C12orf43: variants seen among roughly 807,000 people sequenced by gnomAD.
C12orf43 encodes the protein protein CUSTOS.
In C12orf43, 15 loss-of-function variants were observed where a neutral mutation model predicts 20.6. The ratio of observed to expected loss-of-function variants is 0.73; its 90% CI spans 0.49 to 1.12. The LOEUF is 1.12. Ranked by LOEUF, C12orf43 falls within the 50% of genes most tolerant of loss-of-function variation. The probability of loss-of-function intolerance (pLI) is 0.00; values close to 1 mark genes in which losing one functional copy is unlikely to be tolerated. For synonymous variants in C12orf43, 144 were observed against 130.8 expected (o/e 1.10, Z -0.69); for missense variants, 334 against 344.4 (o/e 0.97, Z 0.24).
Position 121,005,514 on chromosome 12 carries a change from A to T in C12orf43, c.362-421T>A, listed in dbSNP as rs1477146260. Among the ~76,000 whole-genome samples, 1 of 152,206 alleles carries T rather than the reference A, an allele frequency of 6.6e-6. No homozygotes were observed. Among genetic ancestry groups the T allele is most frequent in the Non-Finnish European group, 1.5e-5 (1 of 68,022 alleles). On this transcript the variant is annotated intron_variant, in intron 4 of 5. Transcript: ENST00000288757. The surrounding 1 kb of genome is among the most constrained non-coding windows in gnomAD (Gnocchi z 5.6). ...ATGGAGCCAGTGGAGGGCGCGCTGG[A>T]GCAGGAGCCAGCAGCCACATCAGCT... is the stretch of plus-strand genomic sequence containing the variant.
chr12:121,012,701 A>C (rs779831758), intron 1 of C12orf43: 66 of 409,938 alleles, frequency 1.6e-4, no homozygotes, highest in Non-Finnish European at 2.3e-4. Context: ...AAAATACAAA[A>C]ATTAGCTGGG....
At position 121,001,354 on chromosome 12, in the gene C12orf43, C is replaced by A; in HGVS notation, c.*2799G>T. On this transcript the variant is annotated 3_prime_UTR_variant, in exon 6 of 6. Transcript: ENST00000288757. ...GCTCTGATGCATCAGAAAGGGAGGG[C>A]TCTGAGGCGCCCCAACCCGTGGAGG... The A allele has an allele frequency of 1.1e-6, 1 of 900,688 alleles. No individual in the cohort carries two copies. The allele number at this position is 900,688 out of a possible 1,614,324, so 55.8% of individuals were successfully genotyped here.
In C12orf43 at chr12:121,001,202, C is replaced by T. The variant is rs1328123164; in HGVS notation, c.*2951G>A. 1 of 1,613,790 alleles carries T rather than the reference C, an allele frequency of 6.2e-7. No individual in the cohort carries two copies. The highest frequency in any genetic ancestry group is 1.1e-5 in the South Asian group (1 of 91,046). On this transcript the variant is annotated 3_prime_UTR_variant, in exon 6 of 6. Transcript: ENST00000288757. ...CTCTTCCTCCCAGTAACCACGGCAC[C>T]TGGGCCCTGGGGCCTGTACTGCCTG...
chr12:121,001,137 A>T lies in C12orf43; in HGVS notation c.*3016T>A, dbSNP rs779019818. The T allele has an allele frequency of 3.1e-6, 5 of 1,614,092 alleles. No homozygotes were observed. Among genetic ancestry groups the T allele is most frequent in the Non-Finnish European group, 4.2e-6 (5 of 1,180,002 alleles). On this transcript the variant is annotated 3_prime_UTR_variant, in exon 6 of 6. Coordinates refer to ENST00000288757, the MANE Select transcript of C12orf43 (RefSeq NM_022895.3). The stretch of plus-strand genomic sequence containing the variant: ...GGCCAGAGCCACCTGCTGCCATCCA[A>T]CCACAGCGTCATCGAGACCTTCATC...
At chr12:121,015,073 T>A in intron 1 of C12orf43, among the ~76,000 whole-genome samples, 1 of 152,232 alleles carries the variant, frequency 6.6e-6, no homozygotes, top group East Asian at 1.9e-4. Context: ...CCAAGCACTG[T>A]AGATTGCATT....
intron 1 of C12orf43, among the ~76,000 whole-genome samples, chr12:121,013,146 A>G (rs1203530220): frequency 1.3e-5 from 2 of 152,186 alleles, no homozygotes; most frequent in South Asian, 4.1e-4. Context: ...ACTGTACTCC[A>G]GAGCACAACA....
chr12:121,011,086 A>G lies in C12orf43; in HGVS notation c.188+18T>C, dbSNP rs763673604. ...TATTTGTTGAATAAGTGAAACTTGA[A>G]CCCAAAGTGCATAGTACCTGAGGCT... is the stretch of plus-strand genomic sequence containing the variant. On this transcript the variant is annotated intron_variant, in intron 2 of 5. Transcript: ENST00000288757. 2 of 1,613,358 alleles carry G rather than the reference A, an allele frequency of 1.2e-6. No homozygotes were observed. Among genetic ancestry groups the G allele is most frequent in the Admixed American group, 3.3e-5 (2 of 60,000 alleles).
intron 4 of C12orf43, 120 bp downstream of exon 4, chr12:121,006,201 G>A (rs1173766221): frequency 2.3e-6 from 2 of 860,668 alleles, no homozygotes; most frequent in East Asian, 5.4e-5. Context: ...AGGTGGCAGA[G>A]AGAGTTCCTA....
chr12:121,001,006 G>A lies in C12orf43; in HGVS notation c.*3147C>T. 6.2e-7 allele frequency: 1 copy of A among 1,607,238 alleles called. No homozygotes were observed. Among genetic ancestry groups the A allele is most frequent in the Non-Finnish European group, 8.5e-7 (1 of 1,178,678 alleles). ...CCATCCTGAGTACCCCTAGGGACAG[G>A]CAGGTGGGGTGGGTGTGGGTGCCTG... On this transcript the variant is annotated 3_prime_UTR_variant, in exon 6 of 6. Transcript: ENST00000288757.
chr12:121,006,794 G>A (rs112269971), intron 3 of C12orf43: 7,240 of 169,424 alleles, frequency 0.043, 199 homozygotes, highest in South Asian at 0.1. Context: ...AAAATTAGCC[G>A]GGCATGGTGG....
intron 1 of C12orf43, among the ~76,000 whole-genome samples, chr12:121,011,354 G>A (rs941611593): frequency 6.8e-6 from 1 of 146,890 alleles, no homozygotes; most frequent in African/African-American, 2.5e-5. Context: ...AGTTATATAT[G>A]TATATAATAT....
Position 121,005,162 on chromosome 12 carries a change from A to T in C12orf43, c.362-69T>A, listed in dbSNP as rs1470178515. On this transcript the variant is annotated intron_variant, in intron 4 of 5. Transcript: ENST00000288757. This position sits in a 1 kb window ranked among gnomAD's most constrained non-coding sequence, Gnocchi z 5.6. ...AAAAAGAAACATAAAAAAATAAAAAATAAAGAAACAAAAAAGAAAAAAATT... is the reference window on the plus strand; with the variant it reads ...AAAAAGAAACATAAAAAAATAAAAATTAAAGAAACAAAAAAGAAAAAAATT... The T allele has an allele frequency of 1.1e-6, 1 of 887,858 alleles. No individual in the cohort carries two copies. Among genetic ancestry groups the T allele is most frequent in the African/African-American group, 1.7e-5 (1 of 57,178 alleles). 55.0% of individuals were successfully genotyped at this position (887,858 alleles called of 1,614,324 possible). A position where few individuals can be genotyped will look rare whatever the true frequency, so the allele number is the denominator to read the frequency against.
Position 121,001,939 on chromosome 12 carries a change from C to A in C12orf43, c.*2214G>T. On this transcript the variant is annotated 3_prime_UTR_variant, in exon 6 of 6. Transcript: ENST00000288757. ...AAGAGCATCATGCCTCTGAGGCCAG[C>A]CTGGCCTCCTGCCTCTACTGGGAAG... 1.9e-6 allele frequency: 1 copy of A among 525,592 alleles called. No individual in the cohort carries two copies. The highest frequency in any genetic ancestry group is 3.7e-6 in the Non-Finnish European group (1 of 271,190). The allele number at this position is 525,592 out of a possible 1,614,324, so 32.6% of individuals were successfully genotyped here.
Position 121,004,834 on chromosome 12 carries a change from C to T in C12orf43, c.452+169G>A, listed in dbSNP as rs897188675. 2.0e-5 allele frequency among the ~76,000 whole-genome samples: 3 copies of T among 152,186 alleles called. No individual in the cohort carries two copies. The highest frequency in any genetic ancestry group is 2.0e-4 in the Admixed American group (3 of 15,286). On this transcript the variant is annotated intron_variant, in intron 5 of 5. Coordinates refer to ENST00000288757, the MANE Select transcript of C12orf43 (RefSeq NM_022895.3). The surrounding 1 kb of genome is among the most constrained non-coding windows in gnomAD (Gnocchi z 5.6). ...CAAAAGCAGTAAACATCCAAAGCTG[C>T]CGCCAAGAGGGCTTTCCCTCCCGCT...
intron 1 of C12orf43, chr12:121,012,788 G>A (rs1868498919): frequency 4.4e-6 from 1 of 229,716 alleles, no homozygotes; most frequent in African/African-American, 2.4e-5. Flanking sequence ...GGAGGCGGAG[G>A]TTGCAGTGAG....
intron 4 of C12orf43, 91 bp downstream of exon 4, chr12:121,006,230 A>AG: frequency 8.4e-7 from 1 of 1,192,690 alleles, no homozygotes; most frequent in Admixed American, 2.3e-5. Context: ...AAAGAAAAAA[A>AG]AAAAAGAATA....
chr12:121,010,601 T>C (rs1368146023), intron 3 of C12orf43, among the ~76,000 whole-genome samples: 1 of 152,214 alleles, frequency 6.6e-6, no homozygotes, highest in East Asian at 1.9e-4. Context: ...GCGATGATGA[T>C]GTGACTTCAG....
intron 1 of C12orf43, 33 bp downstream of exon 1, chr12:121,016,297 C>CCT (rs943952157): frequency 1.2e-6 from 2 of 1,612,494 alleles, no homozygotes; most frequent in African/African-American, 2.7e-5. Context: ...ATCCCACGCC[C>CCT]CTCAGCCAGT....
chr12:121,014,645 CAAAAA>C (rs58063900), intron 1 of C12orf43, among the ~76,000 whole-genome samples: 1 of 117,672 alleles, frequency 8.5e-6, no homozygotes, highest in Non-Finnish European at 1.7e-5. Context: ...AAAAAAAATG[CAAAAA>C]AAAAAAAAAA....
Sources: allele counts gnomAD v4.1 joint callset (sites outside exome capture counted in the v4.1 genomes callset), GRCh38; gene constraint gnomAD v4.1.1; non-coding constraint Gnocchi (gnomAD v3.1); transcripts MANE v1.5; gene names NCBI Gene and HGNC (gene_info 2026-07-23, HGNC 2026-07-21).